Variants in CNTNAP2 observed in about 807,000 individuals in gnomAD.
The protein encoded by CNTNAP2 is contactin associated protein 2, also known as contactin-associated protein-like 2.
CNTNAP2 carries 98 observed loss-of-function variants against 155.2 expected under a neutral mutation model. The observed-to-expected ratio is 0.63, with a 90% CI of 0.54 to 0.75. The LOEUF (loss-of-function observed/expected upper bound fraction) is 0.75, where lower values mean the gene tolerates loss of function less well. Among genes scored for constraint, CNTNAP2 ranks in the 30% least tolerant of loss-of-function variants. CNTNAP2 has a pLI of 0.00. For synonymous variants in CNTNAP2, 651 were observed against 631.2 expected (o/e 1.03, Z -0.47); for missense variants, 1,727 against 1,688.1 (o/e 1.02, Z -0.40).
intron 17 of CNTNAP2, among the ~76,000 whole-genome samples, chr7:148,159,369 T>G (rs1191659471): frequency 6.6e-6 from 1 of 152,182 alleles, no homozygotes; most frequent in Non-Finnish European, 1.5e-5. Context: ...ATTGTGGAAA[T>G]TCGTGTTGTC....
chr7:148,356,714 T>C (rs373144267), intron 21 of CNTNAP2, among the ~76,000 whole-genome samples: 1 of 152,124 alleles, frequency 6.6e-6, no homozygotes, highest in Non-Finnish European at 1.5e-5. Context: ...TATGCTCATT[T>C]ATAAAGTCTC....
intron 3 of CNTNAP2, among the ~76,000 whole-genome samples, chr7:147,017,396 T>C (rs76209533): frequency 5.3e-5 from 8 of 152,210 alleles, no homozygotes; most frequent in African/African-American, 1.9e-4. Context: ...ATTTCTCTAC[T>C]AGCAATTGTA....
At chr7:146,491,043 C>G (rs924392261) in intron 1 of CNTNAP2, among the ~76,000 whole-genome samples, 2 of 151,842 alleles carry the variant, frequency 1.3e-5, no homozygotes, top group African/African-American at 4.8e-5. Context: ...TATATTCTTT[C>G]TAGAGTGCAT....
At chr7:146,526,701 C>T (rs1386858563) in intron 1 of CNTNAP2, among the ~76,000 whole-genome samples, 9 of 152,130 alleles carry the variant, frequency 5.9e-5, no homozygotes. Flanking sequence ...CTGTTTCGTT[C>T]ATTCCAATTG....
At chr7:146,519,612 T>TTGTCTGA (rs1797589201) in intron 1 of CNTNAP2, among the ~76,000 whole-genome samples, 1 of 151,878 alleles carries the variant, frequency 6.6e-6, no homozygotes, top group Non-Finnish European at 1.5e-5. Flanking sequence ...TTGTAGTTCA[T>TTGTCTGA]TGTTGCAGAT....
rs61394187 is a variant in CNTNAP2, at chr7:146,616,055, A to T, written c.98-158216A>T. On this transcript the variant is annotated intron_variant, in intron 1 of 23. Coordinates refer to ENST00000361727, the MANE Select transcript of CNTNAP2 (RefSeq NM_014141.6). ...GTAATCCTTTAAACTTTCACAAAAC[A>T]CCACTGCTCCATTTGTTTTTTTCCT... Among the ~76,000 whole-genome samples the T allele has an allele frequency of 8.5e-3, 1,300 of 152,310 alleles. 13 individuals carry two copies. The highest frequency in any genetic ancestry group is 0.03 in the African/African-American group (1,232 of 41,570).
chr7:148,162,414 A>G (rs1446940659), intron 17 of CNTNAP2, among the ~76,000 whole-genome samples: 2 of 152,176 alleles, frequency 1.3e-5, no homozygotes, highest in Non-Finnish European at 2.9e-5. Flanking sequence ...GCAACTTGGA[A>G]CTGTAGGTCC....
intron 13 of CNTNAP2, among the ~76,000 whole-genome samples, chr7:147,728,081 G>A (rs1016363534): frequency 6.6e-6 from 1 of 151,912 alleles, no homozygotes; most frequent in Non-Finnish European, 1.5e-5. Context: ...CCTCATTAGA[G>A]CCATATTCTA....
intron 4 of CNTNAP2, among the ~76,000 whole-genome samples, chr7:147,053,753 G>T (rs1376243982): frequency 1.3e-5 from 2 of 151,984 alleles, no homozygotes; most frequent in African/African-American, 2.4e-5. Flanking sequence ...AATTTCCCAA[G>T]AAATGTAAAC....
At chr7:146,430,310 T>C (rs1796157008) in intron 1 of CNTNAP2, among the ~76,000 whole-genome samples, 6 of 152,008 alleles carry the variant, frequency 3.9e-5, no homozygotes, top group Admixed American at 3.9e-4. Flanking sequence ...AGTATATCTA[T>C]TTATTTATTT....
chr7:146,156,812 G>C (rs1798133531), intron 1 of CNTNAP2, among the ~76,000 whole-genome samples: 1 of 152,094 alleles, frequency 6.6e-6, no homozygotes, highest in African/African-American at 2.4e-5. Context: ...TGTTGGCCAG[G>C]CTGGTCTCAA....
intron 1 of CNTNAP2, among the ~76,000 whole-genome samples, chr7:146,349,370 T>C (rs771829096): frequency 6.6e-6 from 1 of 152,182 alleles, no homozygotes; most frequent in Non-Finnish European, 1.5e-5. Context: ...ACATAGTAGC[T>C]CTCATTTCTA....
At chr7:148,205,112 C>A (rs1203265056) in intron 18 of CNTNAP2, among the ~76,000 whole-genome samples, 1 of 152,140 alleles carries the variant, frequency 6.6e-6, no homozygotes, top group Non-Finnish European at 1.5e-5. Context: ...AGACTAAAAC[C>A]GCGAATTAAA....
At chr7:147,319,832 A>G (rs1309408924) in intron 9 of CNTNAP2, among the ~76,000 whole-genome samples, 1 of 152,192 alleles carries the variant, frequency 6.6e-6, no homozygotes, top group Non-Finnish European at 1.5e-5. Flanking sequence ...AACTGGATGA[A>G]GGGGCTGGTA....
At chr7:146,520,784 A>G (rs144498535) in intron 1 of CNTNAP2, among the ~76,000 whole-genome samples, 152 of 152,000 alleles carry the variant, frequency 1.0e-3, no homozygotes, top group African/African-American at 3.6e-3. Context: ...GCGCTTCTTA[A>G]ATAAAAAAGA....
intron 3 of CNTNAP2, among the ~76,000 whole-genome samples, chr7:146,867,555 C>T (rs143609917): frequency 2.6e-5 from 4 of 152,112 alleles, no homozygotes; most frequent in East Asian, 1.9e-4. Context: ...ATTGCTGGGT[C>T]GAATGGCAGT....
chr7:148,110,896 T>C (rs1368040986), intron 15 of CNTNAP2, among the ~76,000 whole-genome samples: 1 of 152,200 alleles, frequency 6.6e-6, no homozygotes, highest in Non-Finnish European at 1.5e-5. Flanking sequence ...CCCCTCTCCT[T>C]AGCCTTCTTC....
In CNTNAP2 at chr7:147,242,987, ATTTTTT is replaced by A. The variant is rs766917054; in HGVS notation, c.1349-57130_1349-57125del. Among the ~76,000 whole-genome samples the A allele has an allele frequency of 5.9e-3, 278 of 47,152 alleles. 2 individuals are homozygous for A. Among genetic ancestry groups the A allele is most frequent in the South Asian group, 9.1e-3 (7 of 770 alleles). 30.9% of individuals were successfully genotyped at this position (47,152 alleles called of 152,430 possible). A position where few individuals can be genotyped will look rare whatever the true frequency, so the allele number is the denominator to read the frequency against. On this transcript the variant is annotated intron_variant, in intron 8 of 23. Coordinates refer to ENST00000361727, the MANE Select transcript of CNTNAP2 (RefSeq NM_014141.6). ...TGTTGTATTCCACACTATGCTTTGC[ATTTTTT>A]TTTTTTTTTTTTTTTTTTTTTTTGA...
chr7:147,212,460 T>G (rs1803170273), intron 8 of CNTNAP2, among the ~76,000 whole-genome samples: 1 of 152,140 alleles, frequency 6.6e-6, no homozygotes. Context: ...GCTGAAGGCC[T>G]CTATTCTAAC....
Sources: gnomAD v4.1 joint callset for allele counts (sites outside exome capture counted in the v4.1 genomes callset) on GRCh38, gnomAD v4.1.1 for gene constraint, MANE v1.5 for transcripts, NCBI Gene and HGNC (gene_info 2026-07-23, HGNC 2026-07-21) for gene names.